COL4A3: variants seen among roughly 807,000 people sequenced by gnomAD.
COL4A3 encodes collagen alpha-3(IV) chain.
A neutral mutation model predicts 217.4 loss-of-function variants in COL4A3; 135 were observed. That is an observed-to-expected ratio of 0.62 (90% confidence interval 0.54 to 0.72). COL4A3 has a LOEUF of 0.72. Among genes scored for constraint, COL4A3 ranks in the 30% least tolerant of loss-of-function variants. COL4A3 has a pLI of 0.00. For synonymous variants in COL4A3, 690 were observed against 736.3 expected (o/e 0.94, Z 1.02); for missense variants, 1,868 against 2,119.9 (o/e 0.88, Z 2.33).
chr2:227,289,426 CTAACATACAT>C (rs2072543095), intron 35 of COL4A3, among the ~76,000 whole-genome samples, 178 bp downstream of exon 35: 1 of 152,290 alleles, frequency 6.6e-6, no homozygotes, highest in African/African-American at 2.4e-5. Flanking sequence ...GTGTCATTAA[CTAACATACAT>C]TAACCTACAA....
intron 1 of COL4A3, among the ~76,000 whole-genome samples, chr2:227,216,955 T>A (rs1334862852): frequency 6.6e-6 from 1 of 152,182 alleles, no homozygotes; most frequent in African/African-American, 2.4e-5. Flanking sequence ...CCAAATGGTA[T>A]CCTGTTTAAT....
intron 5 of COL4A3, 28 bp downstream of exon 5, chr2:227,245,023 G>C (rs1453472481): frequency 6.2e-7 from 1 of 1,604,598 alleles, no homozygotes; most frequent in Non-Finnish European, 8.5e-7. Flanking sequence ...TCCGTAGCTA[G>C]AAAATTTAAA....
intron 1 of COL4A3, among the ~76,000 whole-genome samples, chr2:227,180,559 C>T (rs993439227): frequency 3.3e-5 from 5 of 152,090 alleles, no homozygotes; most frequent in South Asian, 4.2e-4. Flanking sequence ...AGGCAGTGCC[C>T]GGCAGCAGTA....
chr2:227,200,262 A>G (rs2066634102), intron 1 of COL4A3, among the ~76,000 whole-genome samples: 1 of 152,212 alleles, frequency 6.6e-6, no homozygotes, highest in African/African-American at 2.4e-5. Flanking sequence ...TTTAATCTAC[A>G]CTGATTTTCC....
Position 227,215,939 on chromosome 2 carries a change from C to A in COL4A3, c.88-22029C>A, listed in dbSNP as rs1386671250. Among the ~76,000 whole-genome samples the A allele has an allele frequency of 2.0e-5, 3 of 152,086 alleles. No homozygotes were observed. The East Asian group carries it at 5.8e-4, about 29-fold the overall frequency. On this transcript the variant is annotated intron_variant, in intron 1 of 51. Coordinates refer to ENST00000396578, the MANE Select transcript of COL4A3 (RefSeq NM_000091.5). ...GTTTACATGCTACAACATAGATGAA[C>A]CTTGAGTTCCTTATGCTAAGTGAAA...
chr2:227,279,259 G>A (rs112682445), intron 28 of COL4A3, among the ~76,000 whole-genome samples: 1 of 134,704 alleles, frequency 7.4e-6, no homozygotes, highest in African/African-American at 2.6e-5. Context: ...TTTTGTTGTT[G>A]TTTTTTTTGT....
At chr2:227,249,193 A>G in intron 9 of COL4A3, among the ~76,000 whole-genome samples, 1 of 114,904 alleles carries the variant, frequency 8.7e-6, no homozygotes, top group East Asian at 2.6e-4. Context: ...TTATAATTAT[A>G]TATAACCAAA....
chr2:227,247,510 T>G (rs992777022), intron 7 of COL4A3, 48 bp from the exon 8 acceptor site: 1 of 1,591,210 alleles, frequency 6.3e-7, no homozygotes, highest in African/African-American at 1.3e-5. Context: ...AGTAGGAGTG[T>G]GTGCGTTTGA....
chr2:227,200,949 A>T (rs1259826595), intron 1 of COL4A3, among the ~76,000 whole-genome samples: 3 of 152,208 alleles, frequency 2.0e-5, no homozygotes, highest in Non-Finnish European at 4.4e-5. Flanking sequence ...TGTTATTATG[A>T]AAATGTTTAA....
rs1468699642 is a variant in COL4A3 at position 227,273,015 on chromosome 2, C to T, written c.1825C>T (p.Pro609Ser). Residue 609 changes from proline (P) to serine (S), a missense_variant, in exon 26 of 52, where the codon CCT becomes TCT. Transcript: ENST00000396578. Reference protein sequence around the residue: ...GDPGSPGSPGPAGPAGPPGYG... With the variant: ...GDPGSPGSPGSAGPAGPPGYG... ...TCCTGGCTCCCCTGGGTCCCCAGGA[C>T]CTGCAGGACCAGCTGGACCACCTGG... 2.5e-6 allele frequency: 4 copies of T among 1,613,962 alleles called. No homozygotes were observed. The highest frequency in any genetic ancestry group is 3.4e-6 in the Non-Finnish European group (4 of 1,179,886).
Position 227,164,694 on chromosome 2 carries a change from C to G in COL4A3, c.-33C>G, listed in dbSNP as rs1221355958. On this transcript the variant is annotated 5_prime_UTR_variant, in exon 1 of 52. Transcript: ENST00000396578. This position sits in a 1 kb window ranked among gnomAD's most constrained non-coding sequence, Gnocchi z 4.8. ...GGTGGCCTGAGAGCCTGAGGGTCCC[C>G]GGACTCGCCCAGGCTCTGAGCGCGC... is the stretch of plus-strand genomic sequence containing the variant. 6.5e-7 allele frequency: 1 copy of G among 1,530,174 alleles called. No homozygotes were observed. 94.8% of individuals were successfully genotyped at this position (1,530,174 alleles called of 1,614,324 possible). A position where few individuals can be genotyped will look rare whatever the true frequency, so the allele number is the denominator to read the frequency against.
chr2:227,297,924 A>T, intron 42 of COL4A3, 65 bp downstream of exon 42: 5 of 1,496,302 alleles, frequency 3.3e-6, no homozygotes, highest in Non-Finnish European at 4.6e-6. Flanking sequence ...AAAGTTTTCA[A>T]CCTCCTCCTC....
intron 38 of COL4A3, chr2:227,293,731 A>G: frequency 2.1e-6 from 1 of 470,306 alleles, no homozygotes; most frequent in Non-Finnish European, 4.4e-6. Flanking sequence ...ACAGATGTTT[A>G]TTTTCTCACA....
At chr2:227,223,016 T>C (rs553098844) in intron 1 of COL4A3, among the ~76,000 whole-genome samples, 55 of 152,380 alleles carry the variant, frequency 3.6e-4, no homozygotes, top group African/African-American at 1.3e-3. Context: ...AACTATCCTA[T>C]ATTTTTACAA....
At chr2:227,204,103 A>G (rs2067004334) in intron 1 of COL4A3, among the ~76,000 whole-genome samples, 1 of 152,172 alleles carries the variant, frequency 6.6e-6, no homozygotes, top group South Asian at 2.1e-4. Context: ...CATCTTAATA[A>G]TTCGTAGTAG....
Position 227,303,207 on chromosome 2 carries a change from G to A in COL4A3, c.3955+97G>A, listed in dbSNP as rs181515360. On this transcript the variant is annotated intron_variant, in intron 44 of 51. Coordinates refer to ENST00000396578, the MANE Select transcript of COL4A3 (RefSeq NM_000091.5). ...GTTTGCTGAAGTACAGACAGCTGGG[G>A]TTAGTACAAATAGGACCTCAATACG... The A allele has an allele frequency of 1.7e-5, 18 of 1,048,966 alleles. No homozygotes were observed. In the African/African-American group the frequency reaches 2.8e-4, roughly 16 times the overall value. 65.0% of individuals were successfully genotyped at this position (1,048,966 alleles called of 1,614,324 possible). A position where few individuals can be genotyped will look rare whatever the true frequency, so the allele number is the denominator to read the frequency against.
chr2:227,230,953 T>C lies in COL4A3; in HGVS notation c.88-7015T>C, dbSNP rs541393234. On this transcript the variant is annotated intron_variant, in intron 1 of 51. Transcript: ENST00000396578. ...CAGCATCTACATGTCAGCAACATTG[T>C]CATGTGCTCTGAAGTCCTAGTCAGC... Among the ~76,000 whole-genome samples, 73 of 152,292 alleles carry C rather than the reference T, an allele frequency of 4.8e-4. 1 individual carries two copies. The South Asian group carries it at 0.015, about 31-fold the overall frequency.
chr2:227,205,582 T>G (rs1421168431), intron 1 of COL4A3, among the ~76,000 whole-genome samples: 1 of 148,496 alleles, frequency 6.7e-6, no homozygotes, highest in East Asian at 1.9e-4. Context: ...TAGCTAAAAT[T>G]ATTATTGATT....
intron 1 of COL4A3, among the ~76,000 whole-genome samples, chr2:227,202,686 G>C (rs182755606): frequency 6.8e-6 from 1 of 147,860 alleles, no homozygotes; most frequent in Non-Finnish European, 1.5e-5. Context: ...AGTGAGCCGA[G>C]ATAGCGCCAC....
Sources: allele counts gnomAD v4.1 joint callset (sites outside exome capture counted in the v4.1 genomes callset), GRCh38; gene constraint gnomAD v4.1.1; non-coding constraint Gnocchi (gnomAD v3.1); transcripts MANE v1.5; gene names NCBI Gene and HGNC (gene_info 2026-07-23, HGNC 2026-07-21).